The following IGF1R variants were observed in gnomAD, a reference collection of about 807,000 sequenced individuals.
IGF1R encodes insulin-like growth factor 1 receptor.
Under a neutral mutation model 144.6 loss-of-function variants are expected in IGF1R, and 44 were observed. The observed-to-expected ratio is 0.30, with a 90% CI of 0.24 to 0.39. IGF1R has a LOEUF of 0.39. Among genes scored for constraint, IGF1R ranks in the 10% least tolerant of loss-of-function variants. The pLI, the probability that IGF1R is intolerant of heterozygous loss-of-function variation, is 1.00. For synonymous variants in IGF1R, 795 were observed against 722.8 expected, an observed-to-expected ratio of 1.10 and a Z score of -1.60; for missense variants, 1,355 against 1,833.7, an observed-to-expected ratio of 0.74 and a Z score of 4.77.
intron 2 of IGF1R, among the ~76,000 whole-genome samples, chr15:98,715,875 C>T (rs1567091556): frequency 6.6e-6 from 1 of 152,196 alleles, no homozygotes; most frequent in East Asian, 1.9e-4. Context: ...TGGGATTTTT[C>T]TGTCTGTGGC....
At position 98,649,411 on chromosome 15, in the gene IGF1R, G is replaced by A; in HGVS notation, c.-171G>A. The stretch of plus-strand genomic sequence containing the variant: ...GCCCGCCCCGTCCGCGCACCCGGAG[G>A]GCCCCGGCGGCGCCGCCTTCGGAGT... On this transcript the variant is annotated 5_prime_UTR_variant, in exon 1 of 21. Transcript: ENST00000650285. 2.5e-6 allele frequency: 1 copy of A among 397,950 alleles called. No individual in the cohort carries two copies. The highest frequency in any genetic ancestry group is 4.3e-6 in the Non-Finnish European group (1 of 231,210). The allele number at this position is 397,950 out of a possible 1,614,324, so 24.7% of individuals were successfully genotyped here. A position where few individuals can be genotyped will look rare whatever the true frequency, so the allele number is the denominator to read the frequency against.
At chr15:98,718,475 C>T (rs529074759) in intron 2 of IGF1R, among the ~76,000 whole-genome samples, 14 of 152,326 alleles carry the variant, frequency 9.2e-5, no homozygotes, top group Admixed American at 2.6e-4. Context: ...CAGAGTGGCC[C>T]ATGGAGCTTA....
chr15:98,890,816 T>C (rs961369319), intron 2 of IGF1R: 1 of 174,360 alleles, frequency 5.7e-6, no homozygotes, highest in African/African-American at 2.4e-5. Flanking sequence ...AATGGTATCA[T>C]CTTTACTATA....
chr15:98,957,381 A>C lies in IGF1R; in HGVS notation c.4043A>C (p.His1348Pro). 1 of 1,613,394 alleles carries C rather than the reference A, an allele frequency of 6.2e-7. No homozygotes were observed. The highest frequency in any genetic ancestry group is 8.5e-7 in the Non-Finnish European group (1 of 1,180,014). Residue 1348 changes from histidine (H) to proline (P), a missense_variant, in exon 21 of 21, where the codon CAC becomes CCC. By Grantham distance (77) the His-to-Pro change is moderately conservative. Transcript: ENST00000650285. ...TTCGACGAGAGACAGCCTTACGCCC[A>C]CATGAACGGGGGCCGCAAGAACGAG... ...ASFDERQPYA[H>P]MNGGRKNERA...
At chr15:98,678,247 A>G (rs1399530881) in intron 1 of IGF1R, among the ~76,000 whole-genome samples, 2 of 152,148 alleles carry the variant, frequency 1.3e-5, no homozygotes, top group Non-Finnish European at 2.9e-5. Context: ...GGCTGTTTAA[A>G]TTCCTAATTA....
intron 1 of IGF1R, among the ~76,000 whole-genome samples, chr15:98,694,368 A>G (rs1240012670): frequency 3.9e-5 from 6 of 152,076 alleles, no homozygotes; most frequent in Non-Finnish European, 7.4e-5. Context: ...ATGCCTGTCA[A>G]CCCTTCAGAG....
chr15:98,649,733 G>C lies in IGF1R; in HGVS notation c.94+58G>C, dbSNP rs975594687. On this transcript the variant is annotated intron_variant, in intron 1 of 20. Coordinates refer to ENST00000650285, the MANE Select transcript of IGF1R (RefSeq NM_000875.5). The stretch of plus-strand genomic sequence containing the variant: ...GGGAACTTTTCCTCCGAGGGGCTGC[G>C]CCCTGTTTGCGAAACCCGAGTTGCC... The C allele has an allele frequency of 5.2e-6, 7 of 1,341,620 alleles. No homozygotes were observed. In the African/African-American group the frequency reaches 1.0e-4, roughly 19 times the overall value. 83.1% of individuals were successfully genotyped at this position (1,341,620 alleles called of 1,614,324 possible).
intron 2 of IGF1R, among the ~76,000 whole-genome samples, chr15:98,827,372 C>CT (rs1289408357): frequency 1.3e-5 from 2 of 152,150 alleles, no homozygotes; most frequent in African/African-American, 4.8e-5. Flanking sequence ...GCTCAGGGAG[C>CT]TTTGCTCTAT....
intron 2 of IGF1R, among the ~76,000 whole-genome samples, chr15:98,795,470 A>G (rs1178916186): frequency 1.3e-5 from 2 of 152,068 alleles, no homozygotes; most frequent in African/African-American, 2.4e-5. Context: ...GCTGGAGTGC[A>G]GTGGCATGAT....
chr15:98,828,631 A>C (rs1567149689), intron 2 of IGF1R, among the ~76,000 whole-genome samples: 1 of 152,202 alleles, frequency 6.6e-6, no homozygotes, highest in East Asian at 1.9e-4. Flanking sequence ...CTGTGGCCAC[A>C]GGGTGTCTGC....
intron 20 of IGF1R, among the ~76,000 whole-genome samples, chr15:98,952,303 A>AACACACACACACACACAC (rs143223923): frequency 0.049 from 7,159 of 146,534 alleles, 221 homozygotes; most frequent in Non-Finnish European, 0.064. Context: ...GTACCCCACC[A>AACACACACACACACACAC]ACACACACAC....
intron 5 of IGF1R, among the ~76,000 whole-genome samples, chr15:98,908,190 C>A (rs183034479): frequency 4.6e-5 from 7 of 152,322 alleles, no homozygotes; most frequent in East Asian, 1.9e-4. Context: ...GTTGACCCCC[C>A]ACAAGCTTGT....
chr15:98,812,322 T>C (rs2056608661), intron 2 of IGF1R, among the ~76,000 whole-genome samples: 1 of 152,084 alleles, frequency 6.6e-6, no homozygotes, highest in Admixed American at 6.5e-5. Context: ...TGTGTCACCA[T>C]TGTATTATTT....
At chr15:98,797,456 A>G (rs1394223241) in intron 2 of IGF1R, among the ~76,000 whole-genome samples, 1 of 152,120 alleles carries the variant, frequency 6.6e-6, no homozygotes, top group Non-Finnish European at 1.5e-5. Flanking sequence ...TTATTTAGTA[A>G]CTTCAAATTG....
At chr15:98,685,420 C>T (rs2053301507) in intron 1 of IGF1R, among the ~76,000 whole-genome samples, 1 of 152,188 alleles carries the variant, frequency 6.6e-6, no homozygotes, top group Non-Finnish European at 1.5e-5. Flanking sequence ...AGAGGACAGA[C>T]TCCAACTTCT....
intron 4 of IGF1R, among the ~76,000 whole-genome samples, chr15:98,898,069 A>C (rs1477648745): frequency 6.6e-6 from 1 of 152,152 alleles, no homozygotes. Flanking sequence ...GAATTAGTTG[A>C]TATCCCTTGT....
intron 2 of IGF1R, among the ~76,000 whole-genome samples, chr15:98,797,769 C>T (rs1202871742): frequency 1.3e-5 from 2 of 152,224 alleles, no homozygotes; most frequent in African/African-American, 2.4e-5. Context: ...ACAAAGCCAA[C>T]TCCATTCTCC....
chr15:98,661,469 A>G (rs56854280), intron 1 of IGF1R, among the ~76,000 whole-genome samples: 5,286 of 152,312 alleles, frequency 0.035, 318 homozygotes, highest in African/African-American at 0.12. Context: ...AAATGTAAAC[A>G]TAATCATTTG....
At chr15:98,759,299 G>T (rs1024924240) in intron 2 of IGF1R, among the ~76,000 whole-genome samples, 1 of 152,200 alleles carries the variant, frequency 6.6e-6, no homozygotes, top group Non-Finnish European at 1.5e-5. Flanking sequence ...TGTTTATCCA[G>T]AGTGCCCCAG....
Sources: allele counts gnomAD v4.1 joint callset (sites outside exome capture counted in the v4.1 genomes callset), GRCh38; gene constraint gnomAD v4.1.1; transcripts MANE v1.5; gene names NCBI Gene and HGNC (gene_info 2026-07-23, HGNC 2026-07-21).